The following RABGEF1 variants were observed in gnomAD, a reference collection of about 807,000 sequenced individuals.
RABGEF1 encodes RAB guanine nucleotide exchange factor 1.
Under a neutral mutation model 57.3 loss-of-function variants are expected in RABGEF1, and 26 were observed. The observed-to-expected ratio is 0.45, with a 90% CI of 0.33 to 0.63. RABGEF1 has a LOEUF of 0.63. Ranked by LOEUF, RABGEF1 falls within the 20% of genes least tolerant of loss-of-function variation. The pLI, the probability that RABGEF1 is intolerant of heterozygous loss-of-function variation, is 0.02. For synonymous variants in RABGEF1, 185 were observed against 210.7 expected (o/e 0.88, Z 1.06); for missense variants, 464 against 607.6 (o/e 0.76, Z 2.48).
chr7:66,677,406 C>G (rs556367048), upstream of RABGEF1, among the ~76,000 whole-genome samples: 8 of 152,164 alleles, frequency 5.3e-5, no homozygotes, highest in South Asian at 6.2e-4. Flanking sequence ...ACCCCTATCT[C>G]TATAAAAAAT....
intron 1 of RABGEF1, among the ~76,000 whole-genome samples, chr7:66,744,219 A>G (rs1307360334): frequency 1.3e-5 from 2 of 151,440 alleles, no homozygotes; most frequent in Admixed American, 6.6e-5. Context: ...AATTACTGCT[A>G]TCTTGTATTT....
intron 3 of RABGEF1, among the ~76,000 whole-genome samples, chr7:66,777,458 A>AAT (rs1178961359): frequency 2.3e-4 from 35 of 151,340 alleles, no homozygotes; most frequent in East Asian, 3.9e-4. Context: ...TATCATAAAT[A>AAT]ATATATATAT....
At chr7:66,721,045 A>C (rs778228037) in intron 2 of RABGEF1, among the ~76,000 whole-genome samples, 4 of 152,052 alleles carry the variant, frequency 2.6e-5, no homozygotes, top group East Asian at 1.9e-4. Flanking sequence ...AAACCTCCAG[A>C]GTAGCTAGGA....
chr7:66,785,751 G>C (rs1233343709), intron 4 of RABGEF1, among the ~76,000 whole-genome samples: 3 of 152,158 alleles, frequency 2.0e-5, no homozygotes, highest in East Asian at 1.9e-4. Flanking sequence ...GCAGGCGCCT[G>C]TAGTCCCAGC....
chr7:66,737,067 A>AGAGAGG (rs1554311466), upstream of RABGEF1, among the ~76,000 whole-genome samples: 14 of 85,658 alleles, frequency 1.6e-4, no homozygotes, highest in South Asian at 5.3e-4. Context: ...AGAGAGAGAG[A>AGAGAGG]GAGAGTGAGA....
chr7:66,717,985 T>G (rs1795594048), intron 2 of RABGEF1, among the ~76,000 whole-genome samples: 1 of 152,254 alleles, frequency 6.6e-6, no homozygotes, highest in Non-Finnish European at 1.5e-5. Context: ...TATTTGGTTC[T>G]TTTTTGTATC....
intron 1 of RABGEF1, among the ~76,000 whole-genome samples, chr7:66,762,721 C>T (rs1781248843): frequency 6.6e-6 from 1 of 152,058 alleles, no homozygotes. Flanking sequence ...TCCTGCCACC[C>T]CCGTCCCCCA....
chr7:66,763,303 C>G (rs10282522), intron 1 of RABGEF1, among the ~76,000 whole-genome samples: 18,201 of 152,230 alleles, frequency 0.12, 1,268 homozygotes, highest in East Asian at 0.2. Flanking sequence ...TAGAGAGAGT[C>G]TCCTTCCAGA....
intron 1 of RABGEF1, among the ~76,000 whole-genome samples, chr7:66,700,094 C>T (rs532433402): frequency 3.5e-4 from 54 of 152,334 alleles, no homozygotes; most frequent in African/African-American, 1.3e-3. Context: ...GGACAAGAGT[C>T]CTCAGCCCTG....
upstream of RABGEF1, among the ~76,000 whole-genome samples, chr7:66,737,578 A>G (rs1355936865): frequency 6.6e-6 from 1 of 152,232 alleles, no homozygotes; most frequent in East Asian, 1.9e-4. Flanking sequence ...CAATTAAAAA[A>G]AAGATGAAAG....
At chr7:66,657,833 TAAAAATA>T in the RABGEF1 span, among the ~76,000 whole-genome samples, 1 of 151,040 alleles carries the variant, frequency 6.6e-6, no homozygotes, top group African/African-American at 2.4e-5. Context: ...AAAAAATCAA[TAAAAATA>T]AAAAATAAAA....
chr7:66,756,414 C>T (rs972272838), intron 1 of RABGEF1, among the ~76,000 whole-genome samples: 5 of 152,128 alleles, frequency 3.3e-5, no homozygotes, highest in Non-Finnish European at 5.9e-5. Flanking sequence ...TTTGGCATTC[C>T]GTTTCTGTTT....
At chr7:66,675,430 C>CA in the RABGEF1 span, among the ~76,000 whole-genome samples, 7 of 150,130 alleles carry the variant, frequency 4.7e-5, 1 homozygote, top group Admixed American at 4.0e-4. Context: ...GACTTTGTCT[C>CA]AAAAAAAAGA....
At chr7:66,743,675 C>A (rs1799530385) in intron 1 of RABGEF1, among the ~76,000 whole-genome samples, 2 of 151,926 alleles carry the variant, frequency 1.3e-5, no homozygotes, top group Admixed American at 1.3e-4. Context: ...CTAATTTTTT[C>A]TATTTTTAGT....
intron 2 of RABGEF1, among the ~76,000 whole-genome samples, chr7:66,715,603 G>A (rs1158645582): frequency 7.9e-5 from 12 of 152,106 alleles, no homozygotes; most frequent in African/African-American, 2.9e-4. Flanking sequence ...TAATTTCTAG[G>A]CATTTGAATA....
chr7:66,791,328 T>G (rs1368950729), intron 4 of RABGEF1, among the ~76,000 whole-genome samples: 1 of 152,238 alleles, frequency 6.6e-6, no homozygotes, highest in Non-Finnish European at 1.5e-5. Flanking sequence ...TAGTTACTAA[T>G]GACCTCAAGA....
intron 2 of RABGEF1, among the ~76,000 whole-genome samples, chr7:66,727,020 A>T (rs1262781609): frequency 6.6e-6 from 1 of 152,182 alleles, no homozygotes; most frequent in Non-Finnish European, 1.5e-5. Flanking sequence ...TAATAAAATA[A>T]AATATAATAT....
intron 7 of RABGEF1, among the ~76,000 whole-genome samples, chr7:66,804,286 G>C (rs1047479894): frequency 1.3e-5 from 2 of 152,128 alleles, no homozygotes; most frequent in Admixed American, 1.3e-4. Context: ...AAGATGCTTT[G>C]TGTAGTAGCC....
intron 2 of RABGEF1, among the ~76,000 whole-genome samples, chr7:66,717,470 T>C (rs79061412): frequency 0.02 from 2,977 of 152,220 alleles, 45 homozygotes; most frequent in Non-Finnish European, 0.026. Context: ...ATCATATGTA[T>C]TTTAGGCCAG....
Sources: allele counts gnomAD v4.1 joint callset (sites outside exome capture counted in the v4.1 genomes callset), GRCh38; gene constraint gnomAD v4.1.1; transcripts MANE v1.5; gene names NCBI Gene and HGNC (gene_info 2026-07-23, HGNC 2026-07-21).